Variants in NINJ2 observed in about 807,000 individuals in gnomAD.
NINJ2 encodes ninjurin-2.
A neutral mutation model predicts 11.7 loss-of-function variants in NINJ2; 12 were observed. That is an observed-to-expected ratio of 1.02 (90% confidence interval 0.66 to 1.66). The LOEUF (loss-of-function observed/expected upper bound fraction) is 1.66. NINJ2 is among the 40% of genes most tolerant of loss of function. NINJ2 has a pLI of 0.00. For synonymous variants in NINJ2, 93 were observed against 76.8 expected (o/e 1.21, Z -1.10); for missense variants, 187 against 181.8 (o/e 1.03, Z -0.16).
chr12:600,978 G>T (rs1947859025), intron 1 of NINJ2, among the ~76,000 whole-genome samples: 1 of 152,188 alleles, frequency 6.6e-6, no homozygotes, highest in Non-Finnish European at 1.5e-5. Flanking sequence ...ACTCTCAATA[G>T]TTAAAACACT....
In NINJ2 at chr12:623,349, C is replaced by T. The variant is rs115670892; in HGVS notation, c.33+39979G>A. On this transcript the variant is annotated intron_variant, in intron 1 of 3. Transcript: ENST00000305108. Reference sequence around the variant, plus strand: ...TCTGTCCCCCTCCCCCACTGCTACCCGAGCAGCTCTCCCTTCACCTCAGGC... The same window carrying T: ...TCTGTCCCCCTCCCCCACTGCTACCTGAGCAGCTCTCCCTTCACCTCAGGC... Among the ~76,000 whole-genome samples the T allele has an allele frequency of 1.2e-3, 178 of 152,294 alleles. 2 individuals are homozygous for T. Among genetic ancestry groups the T allele is most frequent in the African/African-American group, 4.2e-3 (173 of 41,564 alleles).
Position 593,860 on chromosome 12 carries a change from G to A in NINJ2, c.34-27682C>T, listed in dbSNP as rs1374821877. On this transcript the variant is annotated intron_variant, in intron 1 of 3. Coordinates refer to ENST00000305108, the MANE Select transcript of NINJ2 (RefSeq NM_016533.6). ...CAGCAGCAGCATCACCAACTTATCAGGGAAGGGGGCAAATTATTTATCAAA... is the reference window on the plus strand; with the variant it reads ...CAGCAGCAGCATCACCAACTTATCAAGGAAGGGGGCAAATTATTTATCAAA... 2.6e-5 allele frequency among the ~76,000 whole-genome samples: 4 copies of A among 152,134 alleles called. No individual in the cohort carries two copies. The East Asian group carries it at 5.8e-4, about 22-fold the overall frequency.
At chr12:607,111 C>A (rs930033356) in intron 1 of NINJ2, among the ~76,000 whole-genome samples, 1 of 152,172 alleles carries the variant, frequency 6.6e-6, no homozygotes, top group African/African-American at 2.4e-5. Context: ...CAAAAAATTT[C>A]TCCTGATATA....
chr12:660,361 T>C (rs1565651496), intron 1 of NINJ2, among the ~76,000 whole-genome samples: 1 of 131,638 alleles, frequency 7.6e-6, no homozygotes, highest in Non-Finnish European at 1.6e-5. Context: ...TTTTCTTTTC[T>C]TTTTTTTTTT....
chr12:662,279 C>T (rs1233328687), intron 1 of NINJ2, among the ~76,000 whole-genome samples: 1 of 152,158 alleles, frequency 6.6e-6, no homozygotes, highest in Non-Finnish European at 1.5e-5. Context: ...TGCAGTTGTA[C>T]TAGGTGAATG....
At chr12:574,695 G>C (rs888442546) in intron 1 of NINJ2, among the ~76,000 whole-genome samples, 1 of 152,212 alleles carries the variant, frequency 6.6e-6, no homozygotes, top group Non-Finnish European at 1.5e-5. Context: ...AGAACCATGA[G>C]CCAAATACAC....
chr12:624,280 CCTT>C (rs1948187733), intron 1 of NINJ2, among the ~76,000 whole-genome samples: 1 of 152,156 alleles, frequency 6.6e-6, no homozygotes, highest in African/African-American at 2.4e-5. Flanking sequence ...GAAGGCCAAT[CCTT>C]CTGCTTATGT....
chr12:625,578 G>A (rs533203320), intron 1 of NINJ2, among the ~76,000 whole-genome samples: 1 of 151,642 alleles, frequency 6.6e-6, no homozygotes, highest in East Asian at 1.9e-4. Context: ...GCCTTTTCCA[G>A]CAAGCTACTT....
At chr12:600,438 C>T (rs1389508090) in intron 1 of NINJ2, among the ~76,000 whole-genome samples, 1 of 152,056 alleles carries the variant, frequency 6.6e-6, no homozygotes, top group Non-Finnish European at 1.5e-5. Context: ...CACCTGTAGT[C>T]CCAGCTACTC....
chr12:662,389 C>T (rs1271803193), intron 1 of NINJ2, among the ~76,000 whole-genome samples: 1 of 148,850 alleles, frequency 6.7e-6, no homozygotes, highest in African/African-American at 2.5e-5. Context: ...CGCCACCCTG[C>T]CCAAAACACA....
intron 1 of NINJ2, among the ~76,000 whole-genome samples, chr12:600,306 C>T (rs1167141801): frequency 6.6e-6 from 1 of 152,156 alleles, no homozygotes; most frequent in African/African-American, 2.4e-5. Flanking sequence ...GTAATCCTAA[C>T]ACTTTGGGAG....
intron 1 of NINJ2, among the ~76,000 whole-genome samples, chr12:588,948 G>T (rs940238246): frequency 1.3e-5 from 2 of 152,134 alleles, no homozygotes; most frequent in Non-Finnish European, 2.9e-5. Flanking sequence ...TACCAGAATT[G>T]TTACAATCAT....
intron 1 of NINJ2, among the ~76,000 whole-genome samples, chr12:577,231 G>A (rs1947472689): frequency 6.6e-6 from 1 of 151,644 alleles, no homozygotes. Context: ...TAGGCTTTGT[G>A]TTAGATGATG....
At chr12:611,705 T>C (rs957701037) in intron 1 of NINJ2, among the ~76,000 whole-genome samples, 1 of 152,384 alleles carries the variant, frequency 6.6e-6, no homozygotes, top group Non-Finnish European at 1.5e-5. Flanking sequence ...AAACTCCTCC[T>C]GGTTACACCT....
At position 565,271 on chromosome 12, in the gene NINJ2, C is replaced by A; in HGVS notation, c.393G>T (p.Gly131=). The A allele has an allele frequency of 6.2e-7, 1 of 1,614,152 alleles. No homozygotes were observed. Among genetic ancestry groups the A allele is most frequent in the Non-Finnish European group, 8.5e-7 (1 of 1,179,990 alleles). Residue 131 remains glycine (G), a synonymous_variant, in exon 3 of 4, where the codon GGG becomes GGT. Coordinates refer to ENST00000305108, the MANE Select transcript of NINJ2 (RefSeq NM_016533.6). ...FITAFGAHKT[G]FLAARASRNP... is the part of the protein sequence containing the mutation. ...TCCTTGAGGCCCTGGCAGCCAGGAA[C>A]CCTGTTTTATGTGCCCCGAAGGCTG...
At chr12:625,053 G>A (rs1450807385) in intron 1 of NINJ2, among the ~76,000 whole-genome samples, 3 of 141,942 alleles carry the variant, frequency 2.1e-5, no homozygotes, top group Admixed American at 7.5e-5. Context: ...AGGTTGCAGT[G>A]ATCGTGCCAC....
chr12:605,979 T>A (rs1947937518), intron 1 of NINJ2, among the ~76,000 whole-genome samples: 2 of 152,026 alleles, frequency 1.3e-5, no homozygotes, highest in South Asian at 4.1e-4. Context: ...AAGAATAACA[T>A]CTGCAGAGAA....
At chr12:613,307 G>A (rs563088174) in intron 1 of NINJ2, among the ~76,000 whole-genome samples, 14 of 152,192 alleles carry the variant, frequency 9.2e-5, no homozygotes, top group East Asian at 5.8e-4. Flanking sequence ...ATCTCATCAC[G>A]CATTTTAAAT....
intron 1 of NINJ2, among the ~76,000 whole-genome samples, chr12:622,409 C>CAAAAA (rs1169331783): frequency 7.6e-4 from 36 of 47,376 alleles, no homozygotes; most frequent in East Asian, 1.5e-3. Flanking sequence ...GACTCCGTCT[C>CAAAAA]AAAAAAAAAA....
Sources: gnomAD v4.1 joint callset for allele counts (sites outside exome capture counted in the v4.1 genomes callset) on GRCh38, gnomAD v4.1.1 for gene constraint, MANE v1.5 for transcripts, NCBI Gene and HGNC (gene_info 2026-07-23, HGNC 2026-07-21) for gene names.